NEBL: variants seen among roughly 807,000 people sequenced by gnomAD.
The protein encoded by NEBL is LIM and SH3 protein 2.
A neutral mutation model predicts 140.2 loss-of-function variants in NEBL; 122 were observed. That is an observed-to-expected ratio of 0.87 (90% CI 0.75 to 1.01). NEBL has a LOEUF of 1.01. Among genes scored for constraint, NEBL ranks in the 50% least tolerant of loss-of-function variants. The pLI, the probability that NEBL is intolerant of heterozygous loss-of-function variation, is 0.00. For synonymous variants in NEBL, 436 were observed against 398.9 expected (o/e 1.09, Z -1.11); for missense variants, 1,365 against 1,231.3 (o/e 1.11, Z -1.62).
intron 26 of NEBL, among the ~76,000 whole-genome samples, chr10:20,804,784 G>A (rs1050361218): frequency 3.3e-5 from 5 of 152,172 alleles, no homozygotes; most frequent in Admixed American, 3.3e-4. Context: ...CGGGGCCCAA[G>A]ATCAGATATG....
chr10:21,202,461 C>CTTTT lies in NEBL; in HGVS notation n.349-29988_349-29985dup, dbSNP rs35623208. ...ACCTTCTAATTTTTCTTTTCTTTTT[C>CTTTT]TTTTTTTTTTTTTTTTTTTTGAAAC... On this transcript the variant is annotated intron_variant and non_coding_transcript_variant, in intron 3 of 8. Transcript: ENST00000675702. 3.8e-3 allele frequency among the ~76,000 whole-genome samples: 441 copies of CTTTT among 117,280 alleles called. 14 individuals carry two copies. The highest frequency in any genetic ancestry group is 0.015 in the African/African-American group (432 of 29,390). The allele number at this position is 117,280 out of a possible 152,430, so 76.9% of individuals were successfully genotyped here. A position where few individuals can be genotyped will look rare whatever the true frequency, so the allele number is the denominator to read the frequency against.
At chr10:21,149,293 CT>C (rs1019311645) in intron 2 of NEBL, among the ~76,000 whole-genome samples, 6 of 149,400 alleles carry the variant, frequency 4.0e-5, no homozygotes, top group East Asian at 2.0e-4. Flanking sequence ...AATAGTCTTT[CT>C]TTTTTTTTCT....
At chr10:20,811,127 T>A (rs530319384) in intron 24 of NEBL, among the ~76,000 whole-genome samples, 1 of 152,328 alleles carries the variant, frequency 6.6e-6, no homozygotes, top group East Asian at 1.9e-4. Flanking sequence ...GAAATTTCAA[T>A]GGAAAACAGT....
rs556969798 is a variant in NEBL, at chr10:21,014,398, C to A, written c.249+5719G>T. On this transcript the variant is annotated intron_variant, in intron 3 of 6. Transcript: ENST00000417816. ...TGCAGGATATCCAAAATCTGACATGCAATCGGTATCCAGTGGCAAAAGAAA... is the reference window on the plus strand; with the variant it reads ...TGCAGGATATCCAAAATCTGACATGAAATCGGTATCCAGTGGCAAAAGAAA... Among the ~76,000 whole-genome samples, 28 of 152,278 alleles carry A rather than the reference C, an allele frequency of 1.8e-4. No individual in the cohort carries two copies. The South Asian group carries it at 5.8e-3, about 32-fold the overall frequency.
intron 3 of NEBL, among the ~76,000 whole-genome samples, chr10:20,980,626 G>C (rs1272975957): frequency 6.6e-6 from 1 of 152,144 alleles, no homozygotes; most frequent in African/African-American, 2.4e-5. Context: ...CCCTAGAACA[G>C]AGAGAGCCTC....
intron 14 of NEBL, among the ~76,000 whole-genome samples, chr10:20,835,154 C>T (rs1840749590): frequency 6.6e-6 from 1 of 152,156 alleles, no homozygotes; most frequent in South Asian, 2.1e-4. Flanking sequence ...TTTGGAAATA[C>T]AGATATGCCA....
At chr10:21,081,281 T>C (rs939818878) in intron 2 of NEBL, among the ~76,000 whole-genome samples, 1 of 152,142 alleles carries the variant, frequency 6.6e-6, no homozygotes, top group African/African-American at 2.4e-5. Flanking sequence ...GGGCCACCAT[T>C]TGAGTTGTGG....
intron 5 of NEBL, among the ~76,000 whole-genome samples, chr10:20,870,325 C>CA (rs35138107): frequency 0.43 from 46,132 of 107,756 alleles, 10,113 homozygotes; most frequent in African/African-American, 0.47. Context: ...GACTTTATCT[C>CA]AAAAAAAAAA....
chr10:21,154,070 A>G (rs1371277900), intron 2 of NEBL, among the ~76,000 whole-genome samples: 1 of 152,188 alleles, frequency 6.6e-6, no homozygotes, highest in Admixed American at 6.5e-5. Flanking sequence ...AATCATAAAG[A>G]GAATGATTCT....
chr10:20,855,567 A>G (rs1372752101), intron 9 of NEBL, among the ~76,000 whole-genome samples: 2 of 151,960 alleles, frequency 1.3e-5, no homozygotes, highest in African/African-American at 4.8e-5. Flanking sequence ...TAAGATCTGC[A>G]AAAGAACTTC....
chr10:20,941,129 A>C (rs915869377), intron 4 of NEBL, among the ~76,000 whole-genome samples: 9 of 152,288 alleles, frequency 5.9e-5, no homozygotes, highest in African/African-American at 2.2e-4. Context: ...CAGAGACACA[A>C]CAAAAAAAGG....
At chr10:21,160,366 C>G (rs565655726) in intron 2 of NEBL, among the ~76,000 whole-genome samples, 1 of 152,048 alleles carries the variant, frequency 6.6e-6, no homozygotes, top group Admixed American at 6.5e-5. Context: ...TGACTCCCAG[C>G]CAATTAAACC....
At chr10:20,823,091 C>G in intron 19 of NEBL, 117 bp downstream of exon 19, 1 of 738,876 alleles carries the variant, frequency 1.4e-6, no homozygotes, top group Non-Finnish European at 2.2e-6. Context: ...TTTTAAGGAA[C>G]CGATCCTCTC....
At chr10:20,959,536 T>G (rs1352842278) in intron 4 of NEBL, among the ~76,000 whole-genome samples, 1 of 152,060 alleles carries the variant, frequency 6.6e-6, no homozygotes, top group Non-Finnish European at 1.5e-5. Flanking sequence ...GATCCTTGAG[T>G]AATATGGAAA....
At chr10:20,896,771 C>A (rs1034205256) in intron 2 of NEBL, among the ~76,000 whole-genome samples, 187 bp downstream of exon 2, 5 of 152,120 alleles carry the variant, frequency 3.3e-5, no homozygotes, top group Middle Eastern at 3.4e-3. Flanking sequence ...CTTGCTCTAG[C>A]AGAAATTCTC....
chr10:20,959,556 G>T (rs1476346382), intron 4 of NEBL, among the ~76,000 whole-genome samples: 3 of 152,078 alleles, frequency 2.0e-5, no homozygotes, highest in Non-Finnish European at 4.4e-5. Flanking sequence ...AACCTAGTGA[G>T]GTAAGGGAAA....
rs71534253 is a variant in NEBL at position 20,852,541 on chromosome 10, G to A, written c.1008+4C>T. On this transcript the variant is annotated splice_donor_region_variant and intron_variant, in intron 10 of 27. Transcript: ENST00000377122. The stretch of plus-strand genomic sequence containing the variant: ...GGGTAGGTACCGTACGGGCAAGTGT[G>A]TACCTGACTTTGGAGGACGGCATTG... 9.6e-4 allele frequency: 1,551 copies of A among 1,608,718 alleles called. 20 individuals carry two copies. In the African/African-American group the frequency reaches 0.018, roughly 18 times the overall value.
At chr10:21,142,797 G>A (rs145342662) in intron 2 of NEBL, among the ~76,000 whole-genome samples, 155 of 152,170 alleles carry the variant, frequency 1.0e-3, no homozygotes, top group African/African-American at 3.4e-3. Context: ...GATCCCAGTT[G>A]TGCTCCTTAT....
chr10:21,126,002 T>C (rs1315241452), intron 2 of NEBL: 10 of 1,614,082 alleles, frequency 6.2e-6, no homozygotes, highest in Non-Finnish European at 8.5e-6. Flanking sequence ...TTGTAGAGAC[T>C]GAAGCTGACT....
Sources: allele counts gnomAD v4.1 joint callset (sites outside exome capture counted in the v4.1 genomes callset), GRCh38; gene constraint gnomAD v4.1.1; transcripts MANE v1.5; gene names NCBI Gene and HGNC (gene_info 2026-07-23, HGNC 2026-07-21).